Variants in ZNF423 observed in about 807,000 individuals in gnomAD.
ZNF423 encodes zinc finger protein 423.
Under a neutral mutation model 95.8 loss-of-function variants are expected in ZNF423, and 12 were observed. That is an observed-to-expected ratio of 0.13 (90% CI 0.08 to 0.20). ZNF423 has a LOEUF of 0.20. Ranked by LOEUF, ZNF423 falls within the 10% of genes least tolerant of loss-of-function variation. The probability of loss-of-function intolerance (pLI) is 1.00; values close to 1 mark genes in which losing one functional copy is unlikely to be tolerated. For synonymous variants in ZNF423, 749 were observed against 711.9 expected (o/e 1.05, Z -0.83); for missense variants, 1,316 against 1,737.1 (o/e 0.76, Z 4.31).
At chr16:49,762,428 G>A (rs542921896) in intron 2 of ZNF423, among the ~76,000 whole-genome samples, 5 of 152,168 alleles carry the variant, frequency 3.3e-5, no homozygotes, top group African/African-American at 7.2e-5. Context: ...CCAGCCCTTC[G>A]CAGGGCACAA....
At chr16:49,602,162 C>T (rs916368446) in intron 5 of ZNF423, among the ~76,000 whole-genome samples, 3 of 152,228 alleles carry the variant, frequency 2.0e-5, no homozygotes, top group South Asian at 2.1e-4. Flanking sequence ...CTGGAAGCCC[C>T]GAAATAACAG....
intron 3 of ZNF423, among the ~76,000 whole-genome samples, chr16:49,729,809 A>T (rs2143376461): frequency 6.6e-6 from 1 of 152,276 alleles, no homozygotes; most frequent in East Asian, 1.9e-4. Context: ...TCAAAATTCC[A>T]AGATGATATG....
chr16:49,597,403 G>A (rs1366526342), intron 5 of ZNF423, among the ~76,000 whole-genome samples: 8 of 152,262 alleles, frequency 5.3e-5, no homozygotes, highest in Admixed American at 6.5e-5. Context: ...GGTTTAGTAC[G>A]ATAAAAGAAT....
At chr16:49,623,023 T>C (rs1238852261) in intron 5 of ZNF423, among the ~76,000 whole-genome samples, 1 of 152,004 alleles carries the variant, frequency 6.6e-6, no homozygotes, top group Non-Finnish European at 1.5e-5. Context: ...TCTGGTAGAC[T>C]GGGTTGATGA....
intron 2 of ZNF423, among the ~76,000 whole-genome samples, chr16:49,779,397 GAC>G (rs1406254888): frequency 1.3e-5 from 2 of 151,956 alleles, no homozygotes; most frequent in East Asian, 1.9e-4. Flanking sequence ...ATGCCAAGGG[GAC>G]ACACACAGTC....
At chr16:49,725,752 C>T (rs919139065) in intron 3 of ZNF423, among the ~76,000 whole-genome samples, 9 of 152,208 alleles carry the variant, frequency 5.9e-5, no homozygotes, top group African/African-American at 2.2e-4. Context: ...ATCAGGACTA[C>T]AGCCTTCACT....
chr16:49,763,890 T>A (rs913183832), intron 2 of ZNF423, among the ~76,000 whole-genome samples: 7 of 152,146 alleles, frequency 4.6e-5, no homozygotes, highest in African/African-American at 1.7e-4. Context: ...GTAGCTCGTT[T>A]AAGGTTTAAA....
intron 3 of ZNF423, among the ~76,000 whole-genome samples, chr16:49,695,569 A>G (rs1198925967): frequency 6.6e-6 from 1 of 152,250 alleles, no homozygotes; most frequent in African/African-American, 2.4e-5. Flanking sequence ...CTGGGATTAC[A>G]GGCGTTAGCC....
chr16:49,760,796 C>T (rs552044807), intron 2 of ZNF423, among the ~76,000 whole-genome samples: 12 of 152,002 alleles, frequency 7.9e-5, no homozygotes, highest in East Asian at 1.9e-4. Flanking sequence ...CACCCCTAGG[C>T]GGTGGTTGGG....
chr16:49,632,394 C>A (rs867635244), intron 4 of ZNF423, among the ~76,000 whole-genome samples: 1 of 152,114 alleles, frequency 6.6e-6, no homozygotes, highest in Non-Finnish European at 1.5e-5. Context: ...GACATCTGGG[C>A]CCCTGTCCCC....
chr16:49,838,763 C>A (rs1212350563), intron 1 of ZNF423, among the ~76,000 whole-genome samples: 1 of 151,836 alleles, frequency 6.6e-6, no homozygotes, highest in Non-Finnish European at 1.5e-5. Flanking sequence ...GCCGCGTGAG[C>A]GAGCTGCGCA....
intron 2 of ZNF423, among the ~76,000 whole-genome samples, chr16:49,733,132 G>A (rs146799637): frequency 2.0e-5 from 3 of 152,092 alleles, no homozygotes; most frequent in Admixed American, 6.5e-5. Flanking sequence ...TGGAGCCTTC[G>A]ATATTGTAAG....
chr16:49,714,650 C>T (rs1177689161), intron 3 of ZNF423, among the ~76,000 whole-genome samples: 3 of 150,356 alleles, frequency 2.0e-5, no homozygotes, highest in Non-Finnish European at 1.5e-5. Flanking sequence ...CTGATGAGGC[C>T]GGGTGCAATG....
intron 5 of ZNF423, among the ~76,000 whole-genome samples, chr16:49,573,142 A>G (rs542141805): frequency 1.3e-5 from 2 of 152,232 alleles, no homozygotes; most frequent in South Asian, 2.1e-4. Context: ...GGACTGATGG[A>G]AGGTAGAAGT....
At chr16:49,622,539 C>A (rs80063835) in intron 5 of ZNF423, among the ~76,000 whole-genome samples, 1 of 152,186 alleles carries the variant, frequency 6.6e-6, no homozygotes, top group South Asian at 2.1e-4. Context: ...AGGCAACGTC[C>A]CCCCTCTTCA....
intron 3 of ZNF423, among the ~76,000 whole-genome samples, chr16:49,713,551 G>A (rs1331043027): frequency 1.3e-5 from 2 of 151,962 alleles, no homozygotes; most frequent in South Asian, 2.1e-4. Flanking sequence ...GCCCCTCCCC[G>A]CACCCTGGCA....
At chr16:49,858,537 G>A (rs4785359), upstream of ZNF423, among the ~76,000 whole-genome samples, 7,528 of 152,256 alleles carry the variant, frequency 0.049, 219 homozygotes, top group Non-Finnish European at 0.062. The surrounding 1 kb of genome is among the most constrained non-coding windows in gnomAD (Gnocchi z 4.3). Flanking sequence ...CCTGACAGCG[G>A]CAGCGGGCGA....
rs571354963 is a variant in ZNF423, at chr16:49,844,517, G to A, written c.40+11218C>T. Among the ~76,000 whole-genome samples, 20 of 152,226 alleles carry A rather than the reference G, an allele frequency of 1.3e-4. No individual in the cohort carries two copies. The East Asian group carries it at 3.1e-3, about 24-fold the overall frequency. On this transcript the variant is annotated intron_variant, in intron 1 of 7. Transcript: ENST00000563137. ...CATCAGGAACAGAGGCTGGGGCAGC[G>A]GGAGGGGCCCACAAAGACTGACTCT...
chr16:49,505,601 T>C (rs537648572), intron 7 of ZNF423, among the ~76,000 whole-genome samples: 18 of 152,128 alleles, frequency 1.2e-4, no homozygotes, highest in Admixed American at 2.6e-4. Flanking sequence ...CTGTGATAAA[T>C]TGTGTGCACG....
Sources: gnomAD v4.1 joint callset for allele counts (sites outside exome capture counted in the v4.1 genomes callset) on GRCh38, gnomAD v4.1.1 for gene constraint, Gnocchi (gnomAD v3.1) non-coding constraint, MANE v1.5 for transcripts, NCBI Gene and HGNC (gene_info 2026-07-23, HGNC 2026-07-21) for gene names.